The following SPOCK1 variants were observed in gnomAD, a reference collection of about 807,000 sequenced individuals.
The protein encoded by SPOCK1 is testican-1.
A neutral mutation model predicts 55.3 loss-of-function variants in SPOCK1; 23 were observed. That is an observed-to-expected ratio of 0.42 (90% CI 0.30 to 0.59). The LOEUF (loss-of-function observed/expected upper bound fraction) is 0.59, where lower values mean the gene tolerates loss of function less well. SPOCK1 is among the 20% of genes least tolerant of loss of function. SPOCK1 has a pLI of 0.22. For missense variants in SPOCK1, 499 were observed against 552.5 expected (o/e 0.90, Z 0.97); for synonymous variants, 226 against 221.0 (o/e 1.02, Z -0.20).
At chr5:137,256,542 G>A (rs1397157450) in intron 3 of SPOCK1, among the ~76,000 whole-genome samples, 1 of 152,120 alleles carries the variant, frequency 6.6e-6, no homozygotes, top group East Asian at 1.9e-4. Context: ...GGTAGGCATG[G>A]CTCCATTCGT....
chr5:136,980,526 T>C (rs1428319820), intron 9 of SPOCK1, among the ~76,000 whole-genome samples: 2 of 151,812 alleles, frequency 1.3e-5, no homozygotes, highest in African/African-American at 2.4e-5. Flanking sequence ...TGGGGGCGAG[T>C]TTTTCCCATG....
At chr5:137,389,196 T>G (rs147508908) in intron 2 of SPOCK1, among the ~76,000 whole-genome samples, 115 of 152,228 alleles carry the variant, frequency 7.6e-4, no homozygotes, top group African/African-American at 2.5e-3. Context: ...CCTCACAAGC[T>G]CTGGTGTTGC....
chr5:137,472,458 ATCAC>A (rs1441232453), intron 2 of SPOCK1, among the ~76,000 whole-genome samples: 3 of 152,078 alleles, frequency 2.0e-5, no homozygotes, highest in Admixed American at 6.5e-5. Flanking sequence ...CCAAAAGGCA[ATCAC>A]TCAGTCAGTC....
chr5:137,031,613 T>G (rs1017443756), intron 6 of SPOCK1, among the ~76,000 whole-genome samples: 3 of 152,348 alleles, frequency 2.0e-5, no homozygotes, highest in Non-Finnish European at 4.4e-5. Flanking sequence ...GGCCATGTTT[T>G]GGGTCTTGTT....
intron 2 of SPOCK1, among the ~76,000 whole-genome samples, chr5:137,416,317 A>G (rs2149823740): frequency 6.6e-6 from 1 of 152,190 alleles, no homozygotes; most frequent in South Asian, 2.1e-4. Context: ...TAAATGCTTC[A>G]AGCAGAATAA....
chr5:137,265,101 G>A lies in SPOCK1; in HGVS notation c.232+1909C>T, dbSNP rs1054847610. On this transcript the variant is annotated intron_variant, in intron 3 of 10. Coordinates refer to ENST00000394945, the MANE Select transcript of SPOCK1 (RefSeq NM_004598.4). ...TCATTCCTAGGAGAGAAAAATCCTC[G>A]TTTGAACTGTTTACCTGCTCAGGTT... 9.2e-5 allele frequency among the ~76,000 whole-genome samples: 14 copies of A among 152,242 alleles called. No individual in the cohort carries two copies. In the Middle Eastern group the frequency reaches 0.017, roughly 185 times the overall value.
At chr5:137,392,605 GTTTAAT>G (rs1033392370) in intron 2 of SPOCK1, among the ~76,000 whole-genome samples, 15 of 152,254 alleles carry the variant, frequency 9.9e-5, no homozygotes, top group African/African-American at 2.9e-4. Flanking sequence ...TAGACAAGCT[GTTTAAT>G]TGCTATGCCT....
chr5:137,265,266 G>A lies in SPOCK1; in HGVS notation c.232+1744C>T, dbSNP rs559607102. The stretch of plus-strand genomic sequence containing the variant: ...AATATGCATTAGTAAAAGTAAAAAT[G>A]TCTTCCCTCGGGAGAGTGTATTCAT... On this transcript the variant is annotated intron_variant, in intron 3 of 10. Coordinates refer to ENST00000394945, the MANE Select transcript of SPOCK1 (RefSeq NM_004598.4). Among the ~76,000 whole-genome samples the A allele has an allele frequency of 3.3e-5, 5 of 152,344 alleles. No homozygotes were observed. The South Asian group carries it at 8.3e-4, about 25-fold the overall frequency.
chr5:137,211,782 A>T (rs1045527639), intron 3 of SPOCK1, among the ~76,000 whole-genome samples: 4 of 152,128 alleles, frequency 2.6e-5, no homozygotes, highest in Non-Finnish European at 5.9e-5. Flanking sequence ...AGCTTCCATA[A>T]AACCCACAAA....
chr5:137,308,841 T>C (rs759842622), intron 2 of SPOCK1, among the ~76,000 whole-genome samples: 4 of 152,120 alleles, frequency 2.6e-5, no homozygotes, highest in Non-Finnish European at 5.9e-5. Context: ...TATCTAAACA[T>C]ACTGATGTAT....
At chr5:137,268,480 C>A (rs1263265541) in intron 2 of SPOCK1, among the ~76,000 whole-genome samples, 1 of 152,200 alleles carries the variant, frequency 6.6e-6, no homozygotes, top group African/African-American at 2.4e-5. Context: ...TCTGCAATAT[C>A]TTTCCCCATT....
intron 3 of SPOCK1, among the ~76,000 whole-genome samples, chr5:137,252,515 C>T (rs929999281): frequency 1.3e-5 from 2 of 152,192 alleles, no homozygotes; most frequent in Admixed American, 6.5e-5. Flanking sequence ...CATTATCTTT[C>T]CTGACTGATC....
chr5:137,406,757 C>G (rs901309344), intron 2 of SPOCK1, among the ~76,000 whole-genome samples: 9 of 152,188 alleles, frequency 5.9e-5, no homozygotes, highest in African/African-American at 2.2e-4. Flanking sequence ...CCTCTACTTT[C>G]TAGGTAAGTG....
chr5:137,424,705 C>G (rs1752570835), intron 2 of SPOCK1, among the ~76,000 whole-genome samples: 1 of 152,100 alleles, frequency 6.6e-6, no homozygotes, highest in South Asian at 2.1e-4. Flanking sequence ...ATGGACAAAT[C>G]TAAAAAAGAT....
chr5:137,343,350 G>C (rs1186487734), intron 2 of SPOCK1, among the ~76,000 whole-genome samples: 1 of 152,210 alleles, frequency 6.6e-6, no homozygotes, highest in Admixed American at 6.5e-5. Flanking sequence ...AGCAGAAGAG[G>C]TGCATAGGCC....
intron 2 of SPOCK1, among the ~76,000 whole-genome samples, chr5:137,340,224 T>A (rs1157138280): frequency 6.6e-6 from 1 of 152,210 alleles, no homozygotes; most frequent in Non-Finnish European, 1.5e-5. Flanking sequence ...AACAGTTGGA[T>A]GACACGCCCT....
At chr5:137,085,059 T>C (rs1024249891) in intron 5 of SPOCK1, among the ~76,000 whole-genome samples, 1 of 151,572 alleles carries the variant, frequency 6.6e-6, no homozygotes, top group African/African-American at 2.4e-5. Context: ...AAATGTCCCA[T>C]GTATCTAGAA....
chr5:137,325,503 C>T (rs1758058722), intron 2 of SPOCK1, among the ~76,000 whole-genome samples: 1 of 152,182 alleles, frequency 6.6e-6, no homozygotes, highest in African/African-American at 2.4e-5. Context: ...TACATGCTTC[C>T]TAAAAACTAA....
intron 6 of SPOCK1, among the ~76,000 whole-genome samples, chr5:137,027,484 G>A (rs1751700462): frequency 6.6e-6 from 1 of 152,212 alleles, no homozygotes; most frequent in African/African-American, 2.4e-5. Flanking sequence ...CTATATCATA[G>A]TGTCTGATGT....
Sources: gnomAD v4.1 joint callset for allele counts (sites outside exome capture counted in the v4.1 genomes callset) on GRCh38, gnomAD v4.1.1 for gene constraint, MANE v1.5 for transcripts, NCBI Gene and HGNC (gene_info 2026-07-23, HGNC 2026-07-21) for gene names.